Variants in SND1 observed in about 807,000 individuals in gnomAD.
The protein encoded by SND1 is staphylococcal nuclease domain-containing protein 1.
SND1 carries 38 observed loss-of-function variants against 121.7 expected under a neutral mutation model. The observed-to-expected ratio is 0.31, with a 90% CI of 0.24 to 0.41. The LOEUF (loss-of-function observed/expected upper bound fraction) is 0.41. Among genes scored for constraint, SND1 ranks in the 10% least tolerant of loss-of-function variants. The pLI is 1.00. For synonymous variants in SND1, 401 were observed against 447.4 expected (o/e 0.90, Z 1.31); for missense variants, 868 against 1,184.6 (o/e 0.73, Z 3.92).
At chr7:127,703,386 A>C (rs1796137053) in intron 7 of SND1, 63 bp downstream of exon 7, 2 of 1,562,144 alleles carry the variant, frequency 1.3e-6, no homozygotes, top group Non-Finnish European at 1.8e-6. Flanking sequence ...TTTGAAGAAT[A>C]GGGGTTTGCT....
chr7:127,961,653 T>G (rs535446012), intron 15 of SND1, among the ~76,000 whole-genome samples: 1 of 152,332 alleles, frequency 6.6e-6, no homozygotes, highest in East Asian at 1.9e-4. Flanking sequence ...CAGCTTCTGT[T>G]TGTTCTGATG....
intron 10 of SND1, among the ~76,000 whole-genome samples, chr7:127,741,349 C>G (rs1796878558): frequency 6.6e-6 from 1 of 152,180 alleles, no homozygotes; most frequent in East Asian, 1.9e-4. Context: ...TATAAGATGG[C>G]TCCTTGAAAT....
intron 16 of SND1, among the ~76,000 whole-genome samples, chr7:128,018,376 A>G (rs774984196): frequency 7.9e-4 from 120 of 152,208 alleles, no homozygotes; most frequent in Non-Finnish European, 1.2e-3. Context: ...GCACAAAGAA[A>G]ACACATGCTG....
intron 15 of SND1, among the ~76,000 whole-genome samples, chr7:127,974,442 G>A (rs951530097): frequency 6.6e-6 from 1 of 152,170 alleles, no homozygotes; most frequent in East Asian, 1.9e-4. Flanking sequence ...CTGGGGGGTT[G>A]GCCTGGGCTC....
intron 16 of SND1, among the ~76,000 whole-genome samples, chr7:128,057,804 A>C (rs898897402): frequency 6.6e-6 from 1 of 152,192 alleles, no homozygotes; most frequent in Admixed American, 6.5e-5. Flanking sequence ...TCTACCACAC[A>C]CAGTGTGTCC....
rs201632123 is a variant in SND1, at chr7:128,030,528, G to A, written c.1779+39472G>A. On this transcript the variant is annotated intron_variant, in intron 16 of 23. Transcript: ENST00000354725. ...GCAGTTCTGGGGCCCGGCTGAGGCG[G>A]CAGCAGCGATGGCTGCACACAGAAT... is the stretch of plus-strand genomic sequence containing the variant. 63 of 1,613,302 alleles carry A rather than the reference G, an allele frequency of 3.9e-5. No homozygotes were observed. The African/African-American group carries it at 4.7e-4, about 12-fold the overall frequency.
chr7:127,811,853 AT>A (rs1379264205), intron 11 of SND1, among the ~76,000 whole-genome samples: 10 of 152,272 alleles, frequency 6.6e-5, no homozygotes, highest in Admixed American at 6.5e-4. Context: ...GGTGGCTACC[AT>A]TTTATGATTT....
rs570431871 is a variant in SND1 at position 128,076,935 on chromosome 7, C to T, written c.1968+2245C>T. 6.6e-5 allele frequency among the ~76,000 whole-genome samples: 10 copies of T among 152,262 alleles called. No homozygotes were observed. In the South Asian group the frequency reaches 1.7e-3, roughly 25 times the overall value. Reference sequence around the variant, plus strand: ...GTGGATGCCTCCTCAGTGAAGAGGCCGATAGGGCTCTCCACTTCCTTGGCA... The same window carrying T: ...GTGGATGCCTCCTCAGTGAAGAGGCTGATAGGGCTCTCCACTTCCTTGGCA... On this transcript the variant is annotated intron_variant, in intron 17 of 23. Transcript: ENST00000354725.
chr7:128,003,908 G>A (rs947640800), intron 16 of SND1, among the ~76,000 whole-genome samples: 20 of 152,136 alleles, frequency 1.3e-4, no homozygotes, highest in Non-Finnish European at 5.9e-5. Context: ...GAGGGCTAGA[G>A]CTCCTTCTTC....
intron 11 of SND1, among the ~76,000 whole-genome samples, chr7:127,831,814 T>C (rs1480008497): frequency 2.0e-5 from 3 of 152,214 alleles, no homozygotes; most frequent in Non-Finnish European, 2.9e-5. Context: ...TCTTAAGACT[T>C]AATCAAATTT....
intron 12 of SND1, among the ~76,000 whole-genome samples, chr7:127,867,859 T>C (rs943259555): frequency 9.2e-5 from 14 of 151,854 alleles, no homozygotes; most frequent in Admixed American, 2.0e-4. Flanking sequence ...TACCTCTCCA[T>C]GTTTATATTT....
intron 10 of SND1, among the ~76,000 whole-genome samples, chr7:127,754,783 A>G (rs1311366644): frequency 6.6e-6 from 1 of 152,246 alleles, no homozygotes; most frequent in Non-Finnish European, 1.5e-5. Context: ...AGATTTATGC[A>G]GTCTCAACTG....
chr7:128,049,788 G>C (rs1793015673), intron 16 of SND1, among the ~76,000 whole-genome samples: 1 of 152,194 alleles, frequency 6.6e-6, no homozygotes. Flanking sequence ...AAATTGGCTA[G>C]AGTGTCCCAG....
rs568622955 is a variant in SND1 at position 127,719,187 on chromosome 7, G to A, written c.1039-2100G>A. 2.0e-5 allele frequency among the ~76,000 whole-genome samples: 3 copies of A among 152,196 alleles called. No homozygotes were observed. The South Asian group carries it at 6.2e-4, about 32-fold the overall frequency. ...AATATCTTTCCCTTCATCCAAATGT[G>A]GGATTTTGAAGGACCAGGAAATCAT... On this transcript the variant is annotated intron_variant, in intron 9 of 23. Transcript: ENST00000354725.
At chr7:127,907,683 A>C (rs1038363492) in intron 14 of SND1, among the ~76,000 whole-genome samples, 2 of 152,220 alleles carry the variant, frequency 1.3e-5, no homozygotes, top group Non-Finnish European at 1.5e-5. Context: ...TTAAGTGCAC[A>C]TTCTGTCTCC....
intron 15 of SND1, among the ~76,000 whole-genome samples, chr7:127,970,384 G>A (rs1239714953): frequency 1.3e-5 from 2 of 152,074 alleles, no homozygotes; most frequent in Admixed American, 6.5e-5. Context: ...TTCCAGTAAC[G>A]TCCTCTGTAA....
At chr7:127,837,791 A>C (rs1177595254) in intron 11 of SND1, among the ~76,000 whole-genome samples, 2 of 152,250 alleles carry the variant, frequency 1.3e-5, no homozygotes, top group Admixed American at 1.3e-4. Context: ...CATTATGTAA[A>C]TATTAAGGAG....
intron 16 of SND1, chr7:128,031,046 AG>A (rs1320972044): frequency 8.6e-5 from 1 of 11,672 alleles, no homozygotes; most frequent in Non-Finnish European, 1.9e-4. Context: ...GGGAGGGCAG[AG>A]GGGAGGGGAG....
chr7:127,776,840 C>G (rs567735583), intron 10 of SND1, among the ~76,000 whole-genome samples: 3 of 152,306 alleles, frequency 2.0e-5, no homozygotes, highest in African/African-American at 7.2e-5. Context: ...CTCTCCTAGG[C>G]TAAAGCTCAT....
Sources: allele counts gnomAD v4.1 joint callset (sites outside exome capture counted in the v4.1 genomes callset), GRCh38; gene constraint gnomAD v4.1.1; transcripts MANE v1.5; gene names NCBI Gene and HGNC (gene_info 2026-07-23, HGNC 2026-07-21).